Variants in GARNL3 observed in about 807,000 individuals in gnomAD.
The protein encoded by GARNL3 is GTPase-activating Rap/Ran-GAP domain-like protein 3.
Under a neutral mutation model 125.0 loss-of-function variants are expected in GARNL3, and 63 were observed. That is an observed-to-expected ratio of 0.50 (90% CI 0.41 to 0.62). The LOEUF (loss-of-function observed/expected upper bound fraction) is 0.62, where lower values mean the gene tolerates loss of function less well. Ranked by LOEUF, GARNL3 falls within the 20% of genes least tolerant of loss-of-function variation. GARNL3 has a pLI of 0.00. For missense variants in GARNL3, 994 were observed against 1,244.0 expected (o/e 0.80, Z 3.02); for synonymous variants, 439 against 457.5 (o/e 0.96, Z 0.52).
At chr9:127,269,786 G>GT (rs57287183) in intron 1 of GARNL3, among the ~76,000 whole-genome samples, 75,860 of 129,744 alleles carry the variant, frequency 0.58, 24,070 homozygotes, top group Admixed American at 0.71. Flanking sequence ...TGTTTTTTGT[G>GT]TTTTTTTTTT....
intron 1 of GARNL3, among the ~76,000 whole-genome samples, chr9:127,274,975 T>C (rs888871801): frequency 1.3e-5 from 2 of 152,208 alleles, no homozygotes; most frequent in Non-Finnish European, 2.9e-5. Context: ...GATCATTCTC[T>C]GCCCTGCATC....
chr9:127,290,170 A>G (rs771359937), intron 1 of GARNL3, among the ~76,000 whole-genome samples: 4 of 152,270 alleles, frequency 2.6e-5, no homozygotes, highest in Non-Finnish European at 5.9e-5. Context: ...GAGCAAAAGA[A>G]TGCATGGCAT....
intron 11 of GARNL3, 133 bp from the exon 12 acceptor site, chr9:127,337,983 C>A: frequency 1.4e-6 from 1 of 718,324 alleles, no homozygotes; most frequent in Non-Finnish European, 2.5e-6. Flanking sequence ...GGTTCTGTCC[C>A]AACCTAAGAG....
intron 21 of GARNL3, among the ~76,000 whole-genome samples, chr9:127,361,463 C>T (rs998029141): frequency 4.6e-5 from 7 of 152,158 alleles, no homozygotes; most frequent in Non-Finnish European, 1.0e-4. Context: ...CTATGTCCTA[C>T]AACAGACCTG....
At chr9:127,363,268 A>G (rs537125302) in intron 21 of GARNL3, 1 of 152,388 alleles carries the variant, frequency 6.6e-6, no homozygotes, top group South Asian at 2.1e-4. Context: ...GCTCTTGGCC[A>G]CTGGTCCTCA....
chr9:127,339,662 AAG>A lies in GARNL3; in HGVS notation c.1051_1052del (p.Ser351ArgfsTer30). Reference sequence around the variant, plus strand: ...CTACTTAGGCTGAAAATATTTTCAGAAGAGAGCGTACCACTCTTTGGCCCTCC... The same window carrying A: ...CTACTTAGGCTGAAAATATTTTCAGAAGAGCGTACCACTCTTTGGCCCTCC... On this transcript the variant is annotated frameshift_variant, in exon 13 of 28. Coordinates refer to ENST00000373387, the MANE Select transcript of GARNL3 (RefSeq NM_032293.5). LOFTEE classifies it high-confidence loss of function. 1 of 1,611,148 alleles carries A rather than the reference AAG, an allele frequency of 6.2e-7. No individual in the cohort carries two copies. The highest frequency in any genetic ancestry group is 1.7e-5 in the Admixed American group (1 of 60,022).
chr9:127,346,769 A>G (rs919681115), intron 16 of GARNL3, among the ~76,000 whole-genome samples: 10 of 152,160 alleles, frequency 6.6e-5, no homozygotes, highest in African/African-American at 1.9e-4. Context: ...TGCAGAGGCC[A>G]GAGCCCCCTG....
At chr9:127,352,027 T>G (rs1830446757) in intron 17 of GARNL3, among the ~76,000 whole-genome samples, 1 of 152,228 alleles carries the variant, frequency 6.6e-6, no homozygotes, top group Admixed American at 6.5e-5. Flanking sequence ...TCGGCAGCTG[T>G]ACAATGTATA....
Position 127,392,969 on chromosome 9 carries a change from AG to A in GARNL3, c.2871-111del. The A allele has an allele frequency of 1.2e-6, 1 of 801,238 alleles. No homozygotes were observed. The highest frequency in any genetic ancestry group is 2.5e-5 in the East Asian group (1 of 40,526). The allele number at this position is 801,238 out of a possible 1,614,324, so 49.6% of individuals were successfully genotyped here. A position where few individuals can be genotyped will look rare whatever the true frequency, so the allele number is the denominator to read the frequency against. ...TCCCCACCTCTACCACATAACAGTG[AG>A]GGTTTGGTGAGCCAAACTCATGAGC... On this transcript the variant is annotated intron_variant, in intron 27 of 27. Transcript: ENST00000373387. This position sits in a 1 kb window ranked among gnomAD's most constrained non-coding sequence, Gnocchi z 5.2.
At chr9:127,367,525 A>G (rs1831349263) in intron 22 of GARNL3, 5 of 152,190 alleles carry the variant, frequency 3.3e-5, no homozygotes. Flanking sequence ...TAGGGGAAAA[A>G]ATAGTATAAA....
intron 2 of GARNL3, among the ~76,000 whole-genome samples, chr9:127,309,528 G>A (rs1372491433): frequency 5.3e-5 from 8 of 152,250 alleles, no homozygotes; most frequent in African/African-American, 1.7e-4. Context: ...TAGAAAGGAA[G>A]CCTATAGATC....
intron 15 of GARNL3, 58 bp downstream of exon 15, chr9:127,344,397 C>A (rs761576566): frequency 1.8e-6 from 2 of 1,105,118 alleles, no homozygotes; most frequent in Non-Finnish European, 2.8e-6. Context: ...TCCATCCTAA[C>A]CAGATGGCCC....
intron 9 of GARNL3, among the ~76,000 whole-genome samples, chr9:127,333,563 G>A (rs1829382991): frequency 6.6e-6 from 1 of 152,152 alleles, no homozygotes. Context: ...GGGGCATTTT[G>A]CCTAATCTGG....
At chr9:127,339,519 C>T in intron 12 of GARNL3, 126 bp from the exon 13 acceptor site, 1 of 676,708 alleles carries the variant, frequency 1.5e-6, no homozygotes, top group Non-Finnish European at 2.7e-6. Context: ...ATTCAGTTAC[C>T]TCTCCCTGGG....
At chr9:127,264,144 AT>A, upstream of GARNL3, 2 of 555,842 alleles carry the variant, frequency 3.6e-6, no homozygotes, top group Non-Finnish European at 6.0e-6. Flanking sequence ...AACTGTTTAT[AT>A]TTTGTGGATC....
chr9:127,268,710 T>C (rs140212212), intron 1 of GARNL3, among the ~76,000 whole-genome samples: 1,679 of 152,276 alleles, frequency 0.011, 50 homozygotes, highest in Non-Finnish European at 0.016. Context: ...CTTTATCAAT[T>C]AAACACTGGA....
chr9:127,348,404 CTTT>C (rs1232586756), intron 16 of GARNL3, among the ~76,000 whole-genome samples: 1 of 152,168 alleles, frequency 6.6e-6, no homozygotes, highest in Non-Finnish European at 1.5e-5. Context: ...GTTATTTTTT[CTTT>C]AAGATTTTGT....
At chr9:127,360,903 C>T (rs1830961107) in intron 21 of GARNL3, among the ~76,000 whole-genome samples, 1 of 152,244 alleles carries the variant, frequency 6.6e-6, no homozygotes, top group Non-Finnish European at 1.5e-5. Context: ...AAGTCACTGA[C>T]AAGTTCACTG....
intron 21 of GARNL3, among the ~76,000 whole-genome samples, chr9:127,358,173 G>T (rs1830788895): frequency 6.6e-6 from 1 of 152,242 alleles, no homozygotes; most frequent in Non-Finnish European, 1.5e-5. Flanking sequence ...CTGGACAGTG[G>T]TGAGCACTCA....
Sources: allele counts gnomAD v4.1 joint callset (sites outside exome capture counted in the v4.1 genomes callset), GRCh38; gene constraint gnomAD v4.1.1; non-coding constraint Gnocchi (gnomAD v3.1); transcripts MANE v1.5; gene names NCBI Gene and HGNC (gene_info 2026-07-23, HGNC 2026-07-21).